MGAT4C: variants seen among roughly 807,000 people sequenced by gnomAD.
MGAT4C encodes alpha-1,3-mannosyl-glycoprotein 4-beta-N-acetylglucosaminyltransferase C.
In MGAT4C, 19 loss-of-function variants were observed where a neutral mutation model predicts 40.1. The observed-to-expected ratio is 0.47, with a 90% CI of 0.33 to 0.70. The LOEUF (loss-of-function observed/expected upper bound fraction) is 0.70, where lower values mean the gene tolerates loss of function less well. MGAT4C is among the 30% of genes least tolerant of loss of function. MGAT4C has a pLI of 0.02. For missense variants in MGAT4C, 491 were observed against 563.2 expected (o/e 0.87, Z 1.30); for synonymous variants, 181 against 187.1 (o/e 0.97, Z 0.27).
At chr12:86,369,143 G>A (rs1955669244) in intron 3 of MGAT4C, among the ~76,000 whole-genome samples, 2 of 151,752 alleles carry the variant, frequency 1.3e-5, no homozygotes, top group Admixed American at 6.6e-5. Context: ...TTTACTTAAT[G>A]TCTACTTTGT....
At chr12:86,400,475 A>G (rs1170338289) in intron 3 of MGAT4C, among the ~76,000 whole-genome samples, 1 of 152,112 alleles carries the variant, frequency 6.6e-6, no homozygotes, top group Non-Finnish European at 1.5e-5. Context: ...TTCTTCTCCT[A>G]TTCTTCCTGC....
At chr12:86,149,027 T>C (rs1041852833) in intron 1 of MGAT4C, among the ~76,000 whole-genome samples, 3 of 152,192 alleles carry the variant, frequency 2.0e-5, no homozygotes, top group African/African-American at 7.2e-5. Flanking sequence ...CTACAAAACA[T>C]GACATTTTAA....
At chr12:86,660,012 C>A (rs952990090) in intron 2 of MGAT4C, among the ~76,000 whole-genome samples, 2 of 151,192 alleles carry the variant, frequency 1.3e-5, no homozygotes, top group East Asian at 3.9e-4. Flanking sequence ...TGTCCAGCAC[C>A]CTCTATTTAC....
At chr12:86,084,266 C>T (rs1311257828) in intron 1 of MGAT4C, among the ~76,000 whole-genome samples, 1 of 151,906 alleles carries the variant, frequency 6.6e-6, no homozygotes, top group Non-Finnish European at 1.5e-5. Flanking sequence ...GGGTAAAAAA[C>T]AAGGCATTTA....
rs1183323508 is a variant in MGAT4C at position 86,556,954 on chromosome 12, A to T, written c.-228-121689T>A. On this transcript the variant is annotated intron_variant, in intron 2 of 7. Coordinates refer to the MGAT4C transcript ENST00000548651. ...CTATTTTTTTAAGAAGAAAGCTATT[A>T]TGTTGATAGATAAAGAGAAAACTGA... Among the ~76,000 whole-genome samples, 3 of 152,286 alleles carry T rather than the reference A, an allele frequency of 2.0e-5. No homozygotes were observed. In the East Asian group the frequency reaches 5.8e-4, roughly 29 times the overall value.
At chr12:85,986,403 A>C (rs1180797967) in intron 3 of MGAT4C, among the ~76,000 whole-genome samples, 2 of 152,246 alleles carry the variant, frequency 1.3e-5, no homozygotes, top group Non-Finnish European at 2.9e-5. Flanking sequence ...TTGATTGGGC[A>C]TGCAGTGTCT....
intron 2 of MGAT4C, among the ~76,000 whole-genome samples, chr12:86,721,317 C>T (rs1174239038): frequency 1.3e-5 from 2 of 151,684 alleles, no homozygotes; most frequent in Non-Finnish European, 2.9e-5. Flanking sequence ...GGGTGCATTA[C>T]GTCAACATTT....
intron 2 of MGAT4C, among the ~76,000 whole-genome samples, chr12:86,633,245 T>C (rs1963118656): frequency 6.6e-6 from 1 of 152,050 alleles, no homozygotes; most frequent in East Asian, 1.9e-4. Context: ...TATATTATTG[T>C]TTTAAAATAT....
At chr12:86,139,952 G>A (rs890962020) in intron 1 of MGAT4C, among the ~76,000 whole-genome samples, 50 of 152,238 alleles carry the variant, frequency 3.3e-4, no homozygotes, top group African/African-American at 1.2e-3. Flanking sequence ...TTGCCTAAAA[G>A]CCTTTAATGG....
intron 2 of MGAT4C, among the ~76,000 whole-genome samples, chr12:86,572,080 G>A (rs918619445): frequency 6.6e-6 from 1 of 152,042 alleles, no homozygotes; most frequent in Non-Finnish European, 1.5e-5. Flanking sequence ...GATATGCATT[G>A]GACAAGGATG....
chr12:86,027,477 G>T (rs1210762909), intron 2 of MGAT4C, among the ~76,000 whole-genome samples: 1 of 151,194 alleles, frequency 6.6e-6, no homozygotes, highest in Non-Finnish European at 1.5e-5. Context: ...TATATTTCTG[G>T]CCCAGAGAAC....
intron 1 of MGAT4C, among the ~76,000 whole-genome samples, chr12:86,213,076 T>G (rs962383098): frequency 3.3e-5 from 5 of 152,088 alleles, no homozygotes; most frequent in Non-Finnish European, 7.4e-5. Flanking sequence ...TGACGTTTCC[T>G]TTACCAACTC....
At chr12:86,056,622 C>A (rs535084773) in intron 1 of MGAT4C, among the ~76,000 whole-genome samples, 1 of 152,296 alleles carries the variant, frequency 6.6e-6, no homozygotes, top group Non-Finnish European at 1.5e-5. Flanking sequence ...TTTTCTTAAT[C>A]CAGTCTATCA....
At chr12:86,231,344 C>A (rs1951315464) in intron 1 of MGAT4C, among the ~76,000 whole-genome samples, 1 of 152,278 alleles carries the variant, frequency 6.6e-6, no homozygotes, top group African/African-American at 2.4e-5. Context: ...TCTCAATATA[C>A]TTGGGGTAGA....
chr12:86,072,026 TTGTGTGTGTGTG>T (rs71076158), intron 1 of MGAT4C, among the ~76,000 whole-genome samples: 66 of 149,036 alleles, frequency 4.4e-4, no homozygotes, highest in African/African-American at 8.9e-4. Flanking sequence ...GCATAGGGTT[TTGTGTGTGTGTG>T]TGTGTGTGTG....
intron 1 of MGAT4C, among the ~76,000 whole-genome samples, chr12:86,102,139 G>A (rs550831521): frequency 6.6e-6 from 1 of 151,986 alleles, no homozygotes; most frequent in South Asian, 2.1e-4. Context: ...ACAGTTAGTG[G>A]GAGAGGAACC....
chr12:86,468,553 C>T (rs1957714649), intron 2 of MGAT4C, among the ~76,000 whole-genome samples: 1 of 151,876 alleles, frequency 6.6e-6, no homozygotes, highest in African/African-American at 2.4e-5. Flanking sequence ...TATATAAATC[C>T]CCTATTCAAA....
chr12:86,703,925 C>G (rs1449118269), intron 2 of MGAT4C, among the ~76,000 whole-genome samples: 1 of 152,058 alleles, frequency 6.6e-6, no homozygotes, highest in Non-Finnish European at 1.5e-5. Flanking sequence ...AAACAGGTAC[C>G]AAGGAAGCTC....
At chr12:86,729,647 T>TA (rs1366795401) in intron 1 of MGAT4C, among the ~76,000 whole-genome samples, 2 of 151,158 alleles carry the variant, frequency 1.3e-5, no homozygotes, top group South Asian at 4.2e-4. Context: ...ATATTAAATA[T>TA]AAAAACAAAA....
Sources: allele counts gnomAD v4.1 joint callset (sites outside exome capture counted in the v4.1 genomes callset), GRCh38; gene constraint gnomAD v4.1.1; transcripts MANE v1.5; gene names NCBI Gene and HGNC (gene_info 2026-07-23, HGNC 2026-07-21).